The following ALOX5 variants were observed in gnomAD, a reference collection of about 807,000 sequenced individuals.
The protein encoded by ALOX5 is arachidonate 5-lipoxygenase, also known as polyunsaturated fatty acid 5-lipoxygenase.
A neutral mutation model predicts 87.9 loss-of-function variants in ALOX5; 64 were observed. That is an observed-to-expected ratio of 0.73 (90% confidence interval 0.60 to 0.90). The LOEUF (loss-of-function observed/expected upper bound fraction) is 0.90, where lower values mean the gene tolerates loss of function less well. Among genes scored for constraint, ALOX5 ranks in the 40% least tolerant of loss-of-function variants. The pLI is 0.00. For synonymous variants in ALOX5, 388 were observed against 355.1 expected (o/e 1.09, Z -1.04); for missense variants, 822 against 907.5 (o/e 0.91, Z 1.21).
At chr10:45,385,634 T>C (rs1839981852) in intron 2 of ALOX5, among the ~76,000 whole-genome samples, 1 of 152,188 alleles carries the variant, frequency 6.6e-6, no homozygotes, top group Non-Finnish European at 1.5e-5. Context: ...TTAAGGTAGA[T>C]AAGAGATGAT....
At chr10:45,445,373 G>A (rs1007273204) in intron 13 of ALOX5, 135 bp from the exon 14 acceptor site, 3 of 1,082,640 alleles carry the variant, frequency 2.8e-6, no homozygotes, top group Non-Finnish European at 4.0e-6. Context: ...GCAGCAGAGG[G>A]TGAATATGGG....
rs550628437 is a variant in ALOX5, at chr10:45,445,828, C to A, written c.*141C>A. The stretch of plus-strand genomic sequence containing the variant: ...AGTACCTTTCCATTTATTCTTTGAT[C>A]TTCAGGGAACTGCATAGATTGATCA... On this transcript the variant is annotated 3_prime_UTR_variant, in exon 14 of 14. Coordinates refer to ENST00000374391, the MANE Select transcript of ALOX5 (RefSeq NM_000698.5). 75 of 897,796 alleles carry A rather than the reference C, an allele frequency of 8.4e-5. 2 individuals carry two copies. In the South Asian group the frequency reaches 1.2e-3, roughly 15 times the overall value. 55.6% of individuals were successfully genotyped at this position (897,796 alleles called of 1,614,324 possible). A position where few individuals can be genotyped will look rare whatever the true frequency, so the allele number is the denominator to read the frequency against.
intron 1 of ALOX5, 127 bp from the exon 2 acceptor site, chr10:45,382,356 T>TA: frequency 1.1e-6 from 1 of 952,114 alleles, no homozygotes; most frequent in East Asian, 2.6e-5. Context: ...GCTGTTTTTT[T>TA]AAGTGCTTTT....
chr10:45,389,497 G>C (rs545167776), intron 2 of ALOX5, among the ~76,000 whole-genome samples: 1 of 151,998 alleles, frequency 6.6e-6, no homozygotes, highest in South Asian at 2.1e-4. Context: ...CTGATCTCTC[G>C]GCAGAAACCC....
chr10:45,404,420 C>G (rs1420852636), intron 3 of ALOX5, among the ~76,000 whole-genome samples: 6 of 152,252 alleles, frequency 3.9e-5, no homozygotes. Flanking sequence ...AGACCCAGGT[C>G]ATAGCCCACA....
intron 3 of ALOX5, among the ~76,000 whole-genome samples, chr10:45,398,833 A>G (rs1840602275): frequency 6.6e-6 from 1 of 152,228 alleles, no homozygotes; most frequent in South Asian, 2.1e-4. Flanking sequence ...AAGGATGTGG[A>G]GAAATCAGAA....
At position 45,396,473 on chromosome 10, in the gene ALOX5, A is replaced by C. The variant is rs554478859; in HGVS notation, c.431+537A>C. 2.7e-4 allele frequency among the ~76,000 whole-genome samples: 41 copies of C among 152,368 alleles called. 1 individual carries two copies. In the South Asian group the frequency reaches 8.5e-3, roughly 32 times the overall value. On this transcript the variant is annotated intron_variant, in intron 3 of 13. Coordinates refer to ENST00000374391, the MANE Select transcript of ALOX5 (RefSeq NM_000698.5). ...ATACTATGAACAATTGCATGCCAAC[A>C]AACTAGTTAAATGAAATGCGCAAAT...
intron 1 of ALOX5, among the ~76,000 whole-genome samples, chr10:45,375,116 C>G (rs1393791306): frequency 6.6e-6 from 1 of 152,104 alleles, no homozygotes; most frequent in African/African-American, 2.4e-5. Context: ...AGGACAGTCC[C>G]CAGAGGAAAT....
At chr10:45,439,980 C>T (rs1023063498) in intron 7 of ALOX5, among the ~76,000 whole-genome samples, 1 of 152,196 alleles carries the variant, frequency 6.6e-6, no homozygotes. Flanking sequence ...CAGGGCAGAC[C>T]CTGGGGAGCT....
intron 2 of ALOX5, among the ~76,000 whole-genome samples, chr10:45,386,812 A>C (rs1442355629): frequency 6.6e-6 from 1 of 152,104 alleles, no homozygotes; most frequent in African/African-American, 2.4e-5. Context: ...GCTTGGCCTT[A>C]AGCAATAGTT....
intron 8 of ALOX5, among the ~76,000 whole-genome samples, chr10:45,441,093 A>G (rs1178834753): frequency 2.0e-5 from 3 of 152,240 alleles, no homozygotes; most frequent in African/African-American, 7.2e-5. Flanking sequence ...CAGTGAACTC[A>G]GGGAGCAAAG....
At chr10:45,390,099 A>G (rs1840160248) in intron 2 of ALOX5, among the ~76,000 whole-genome samples, 1 of 152,246 alleles carries the variant, frequency 6.6e-6, no homozygotes, top group East Asian at 1.9e-4. Flanking sequence ...AAAGAAGGCC[A>G]TTACATAATG....
chr10:45,377,609 TC>T (rs2132665367), intron 1 of ALOX5, among the ~76,000 whole-genome samples: 1 of 151,686 alleles, frequency 6.6e-6, no homozygotes, highest in South Asian at 2.1e-4. Context: ...CCCCATAGCC[TC>T]CCCCTCTCTC....
intron 1 of ALOX5, among the ~76,000 whole-genome samples, 185 bp from the exon 2 acceptor site, chr10:45,382,298 A>G (rs1259903318): frequency 1.3e-5 from 2 of 152,160 alleles, no homozygotes; most frequent in East Asian, 1.9e-4. Context: ...GGGGACTTTC[A>G]TCTCCTGCTT....
At chr10:45,384,598 C>G (rs971001645) in intron 2 of ALOX5, among the ~76,000 whole-genome samples, 6 of 152,116 alleles carry the variant, frequency 3.9e-5, no homozygotes, top group African/African-American at 1.4e-4. Context: ...GAATGGTGTC[C>G]TCTGGGTGCC....
chr10:45,415,853 CT>C (rs1201286119), intron 4 of ALOX5, among the ~76,000 whole-genome samples: 1 of 152,202 alleles, frequency 6.6e-6, no homozygotes, highest in Non-Finnish European at 1.5e-5. Context: ...AGGTTTTCAC[CT>C]TTTATCTGTA....
intron 8 of ALOX5, among the ~76,000 whole-genome samples, chr10:45,441,016 C>T (rs1030729519): frequency 2.0e-5 from 3 of 152,210 alleles, no homozygotes; most frequent in Non-Finnish European, 2.9e-5. Context: ...CCATGTGCCT[C>T]AGTTTCCTCA....
At chr10:45,443,009 C>T (rs182044631) in intron 9 of ALOX5, 29 bp from the exon 10 acceptor site, 16 of 1,594,224 alleles carry the variant, frequency 1.0e-5, no homozygotes, top group South Asian at 6.8e-5. Context: ...AGGAGCCACC[C>T]GCTCAGGGCA....
Position 45,424,206 on chromosome 10 carries a change from C to T in ALOX5, c.661+59C>T, listed in dbSNP as rs1298406234. ...GGGACAGGGGATGCTGCTCTCCTGT[C>T]TGATACTTGCCGGGAAATTGACAAG... On this transcript the variant is annotated intron_variant, in intron 5 of 13. Transcript: ENST00000374391. The T allele has an allele frequency of 2.1e-6, 3 of 1,423,344 alleles. No homozygotes were observed. In the African/African-American group the frequency reaches 4.2e-5, roughly 20 times the overall value. The allele number at this position is 1,423,344 out of a possible 1,614,324, so 88.2% of individuals were successfully genotyped here. A position where few individuals can be genotyped will look rare whatever the true frequency, so the allele number is the denominator to read the frequency against.
Sources: gnomAD v4.1 joint callset for allele counts (sites outside exome capture counted in the v4.1 genomes callset) on GRCh38, gnomAD v4.1.1 for gene constraint, MANE v1.5 for transcripts, NCBI Gene and HGNC (gene_info 2026-07-23, HGNC 2026-07-21) for gene names.